Variants in CPNE8 observed in about 807,000 individuals in gnomAD.
The protein encoded by CPNE8 is copine 8, also known as copine-8.
CPNE8 carries 45 observed loss-of-function variants against 81.5 expected under a neutral mutation model. The ratio of observed to expected loss-of-function variants is 0.55; its 90% CI spans 0.44 to 0.71. CPNE8 has a LOEUF of 0.71. CPNE8 is among the 30% of genes least tolerant of loss of function. CPNE8 has a pLI of 0.00. For synonymous variants in CPNE8, 252 were observed against 226.3 expected (o/e 1.11, Z -1.02); for missense variants, 594 against 672.1 (o/e 0.88, Z 1.28).
intron 7 of CPNE8, among the ~76,000 whole-genome samples, chr12:38,775,491 A>AT (rs1165328560): frequency 6.6e-6 from 1 of 152,164 alleles, no homozygotes; most frequent in African/African-American, 2.4e-5. Context: ...TCTAGGGAAA[A>AT]TTTTTTTCCT....
rs868176870 is a variant in CPNE8, at chr12:38,666,450, T to C, written c.1506+4279A>G. Among the ~76,000 whole-genome samples the C allele has an allele frequency of 5.3e-5, 8 of 152,244 alleles. No individual in the cohort carries two copies. In the Middle Eastern group the frequency reaches 0.017, roughly 324 times the overall value. The stretch of plus-strand genomic sequence containing the variant: ...ACAATGACCGGTATTTTTAGGAAGA[T>C]ATAAAGTAATATGGGGACAAAGTGA... On this transcript the variant is annotated intron_variant, in intron 19 of 19. Transcript: ENST00000331366.
intron 8 of CPNE8, among the ~76,000 whole-genome samples, chr12:38,767,110 G>A (rs1941706482): frequency 6.6e-6 from 1 of 151,922 alleles, no homozygotes; most frequent in South Asian, 2.1e-4. Context: ...TTTAATAGCA[G>A]AGCCATACAT....
At chr12:38,852,386 G>A (rs1452957679) in intron 3 of CPNE8, among the ~76,000 whole-genome samples, 4 of 138,644 alleles carry the variant, frequency 2.9e-5, no homozygotes, top group Admixed American at 7.8e-5. Flanking sequence ...CCAAGATCGC[G>A]CCACTGCACT....
intron 6 of CPNE8, among the ~76,000 whole-genome samples, chr12:38,799,748 G>A (rs1009402648): frequency 1.6e-4 from 23 of 146,670 alleles, no homozygotes; most frequent in Admixed American, 2.7e-4. Context: ...TGAGGTACCG[G>A]GTTCATCTCA....
intron 6 of CPNE8, among the ~76,000 whole-genome samples, chr12:38,826,184 A>G (rs1475833392): frequency 3.3e-5 from 5 of 152,214 alleles, no homozygotes; most frequent in African/African-American, 1.2e-4. Flanking sequence ...CAATAATCTT[A>G]CCTTTAAACT....
chr12:38,721,446 A>T (rs1940562103), intron 13 of CPNE8, among the ~76,000 whole-genome samples: 1 of 151,996 alleles, frequency 6.6e-6, no homozygotes, highest in East Asian at 2.0e-4. Flanking sequence ...GGAGCTAAAC[A>T]CTAGGGGCGC....
intron 10 of CPNE8, 87 bp from the exon 11 acceptor site, chr12:38,730,445 A>T (rs1269529441): frequency 3.1e-6 from 2 of 639,902 alleles, no homozygotes; most frequent in Non-Finnish European, 5.4e-6. Context: ...TTTAATCATT[A>T]TCAAAAAAAT....
chr12:38,902,290 G>A (rs1223318370), intron 1 of CPNE8, among the ~76,000 whole-genome samples: 2 of 125,662 alleles, frequency 1.6e-5, no homozygotes, highest in African/African-American at 6.5e-5. Flanking sequence ...AAAGAAGGAA[G>A]GAAGGAAAGG....
In CPNE8 at chr12:38,762,315, G is replaced by A. The variant is rs981061054; in HGVS notation, c.576-99C>T. 9 of 548,252 alleles carry A rather than the reference G, an allele frequency of 1.6e-5. No individual in the cohort carries two copies. In the African/African-American group the frequency reaches 1.7e-4, roughly 11 times the overall value. 34.0% of individuals were successfully genotyped at this position (548,252 alleles called of 1,614,324 possible). A position where few individuals can be genotyped will look rare whatever the true frequency, so the allele number is the denominator to read the frequency against. On this transcript the variant is annotated intron_variant, in intron 8 of 19. Transcript: ENST00000331366. The stretch of plus-strand genomic sequence containing the variant: ...CTCTGCTTACTTTTTGTTCAGAATA[G>A]TCAGTTCCGCTGTTGCTGCTACATC...
chr12:38,663,977 G>A (rs1020888676), intron 19 of CPNE8, among the ~76,000 whole-genome samples: 1 of 152,036 alleles, frequency 6.6e-6, no homozygotes, highest in Non-Finnish European at 1.5e-5. Flanking sequence ...GGGAAGGATA[G>A]GTGGGGAAAG....
At chr12:38,794,780 G>C (rs543947732) in intron 6 of CPNE8, among the ~76,000 whole-genome samples, 64 of 152,246 alleles carry the variant, frequency 4.2e-4, no homozygotes, top group African/African-American at 1.5e-3. Flanking sequence ...TTAATATTAA[G>C]TGTCAACTTG....
chr12:38,758,147 ACTCTCTCT>A (rs34541514), intron 10 of CPNE8, among the ~76,000 whole-genome samples: 4 of 149,112 alleles, frequency 2.7e-5, no homozygotes, highest in Non-Finnish European at 4.5e-5. Flanking sequence ...CTGTGAACAA[ACTCTCTCT>A]CTCTCTCTCT....
intron 3 of CPNE8, among the ~76,000 whole-genome samples, chr12:38,867,852 A>G (rs532557390): frequency 6.6e-6 from 1 of 152,306 alleles, no homozygotes; most frequent in Non-Finnish European, 1.5e-5. Context: ...AACATCCGTT[A>G]CTTCAAGAGT....
Position 38,848,622 on chromosome 12 carries a change from T to C in CPNE8, c.227A>G (p.Asp76Gly). 2 of 1,593,858 alleles carry C rather than the reference T, an allele frequency of 1.3e-6. No individual in the cohort carries two copies. Among genetic ancestry groups the C allele is most frequent in the Non-Finnish European group, 1.7e-6 (2 of 1,174,438 alleles). The change falls in exon 4 of 20, where the codon GAT becomes GGT. Residue 76 changes from aspartate to glycine, a missense_variant. Coordinates refer to ENST00000331366, the MANE Select transcript of CPNE8 (RefSeq NM_153634.3). ...GTCCAGAATAAACTTTCTTACAAAATCAGGATTTAAAGTATTATCAATTAC... is the reference window on the plus strand; with the variant it reads ...GTCCAGAATAAACTTTCTTACAAAACCAGGATTTAAAGTATTATCAATTAC... Reference protein sequence around the residue: ...TEVIDNTLNPDFVRKFILDYF... With the variant: ...TEVIDNTLNPGFVRKFILDYF...
intron 10 of CPNE8, among the ~76,000 whole-genome samples, chr12:38,747,552 A>T (rs1279374701): frequency 6.6e-6 from 1 of 152,112 alleles, no homozygotes; most frequent in East Asian, 1.9e-4. Flanking sequence ...TTATCCAGGG[A>T]TAATCTTTCT....
At chr12:38,808,708 C>G (rs1436268994) in intron 6 of CPNE8, among the ~76,000 whole-genome samples, 1 of 151,012 alleles carries the variant, frequency 6.6e-6, no homozygotes, top group African/African-American at 2.4e-5. Flanking sequence ...ACATATGTAA[C>G]TAACCTGCAC....
intron 18 of CPNE8, among the ~76,000 whole-genome samples, chr12:38,675,493 ATAATATC>A (rs1939267607): frequency 6.6e-6 from 1 of 152,178 alleles, no homozygotes; most frequent in African/African-American, 2.4e-5. Flanking sequence ...AACTAGAGAG[ATAATATC>A]CTAGTGAAAA....
chr12:38,726,544 G>C (rs1292420313), intron 11 of CPNE8: 1 of 152,126 alleles, frequency 6.6e-6, no homozygotes, highest in East Asian at 1.9e-4. Context: ...GTTTGATCTT[G>C]AGATTTGAAG....
chr12:38,688,877 G>C (rs1939603947), intron 15 of CPNE8, among the ~76,000 whole-genome samples: 1 of 152,132 alleles, frequency 6.6e-6, no homozygotes, highest in African/African-American at 2.4e-5. Context: ...CAGGTGATGG[G>C]TGCATCAGAA....
Sources: gnomAD v4.1 joint callset for allele counts (sites outside exome capture counted in the v4.1 genomes callset) on GRCh38, gnomAD v4.1.1 for gene constraint, MANE v1.5 for transcripts, NCBI Gene and HGNC (gene_info 2026-07-23, HGNC 2026-07-21) for gene names.